MDGA2: variants seen among roughly 807,000 people sequenced by gnomAD.
The protein encoded by MDGA2 is MAM domain-containing glycosylphosphatidylinositol anchor protein 2.
MDGA2 carries 40 observed loss-of-function variants against 117.8 expected under a neutral mutation model. The observed-to-expected ratio is 0.34, with a 90% CI of 0.26 to 0.44. MDGA2 has a LOEUF of 0.44. MDGA2 is among the 20% of genes least tolerant of loss of function. The pLI is 1.00. For synonymous variants in MDGA2, 452 were observed against 439.0 expected, an observed-to-expected ratio of 1.03 and a Z score of -0.37; for missense variants, 1,123 against 1,250.6, an observed-to-expected ratio of 0.90 and a Z score of 1.54.
intron 1 of MDGA2, among the ~76,000 whole-genome samples, chr14:47,561,421 T>C (rs1360756389): frequency 1.3e-5 from 2 of 152,056 alleles, no homozygotes; most frequent in African/African-American, 4.8e-5. Context: ...TGTTTTGTAA[T>C]TGTCATTATA....
At chr14:46,949,753 T>C (rs1885302789) in intron 9 of MDGA2, among the ~76,000 whole-genome samples, 1 of 152,032 alleles carries the variant, frequency 6.6e-6, no homozygotes, top group South Asian at 2.1e-4. Flanking sequence ...AAGTCACCTA[T>C]TAATTGATAC....
chr14:47,650,251 T>C (rs1897614376), intron 1 of MDGA2, among the ~76,000 whole-genome samples: 2 of 152,168 alleles, frequency 1.3e-5, no homozygotes, highest in African/African-American at 4.8e-5. Flanking sequence ...TGGAACTACG[T>C]CCTCAGCTCT....
intron 15 of MDGA2, among the ~76,000 whole-genome samples, chr14:46,854,634 A>G (rs1423440391): frequency 6.6e-6 from 1 of 151,876 alleles, no homozygotes; most frequent in East Asian, 1.9e-4. Context: ...TGTTGTAAGT[A>G]TATAAAATTT....
At chr14:47,321,652 G>A (rs1889983051) in intron 1 of MDGA2, among the ~76,000 whole-genome samples, 1 of 152,076 alleles carries the variant, frequency 6.6e-6, no homozygotes, top group Non-Finnish European at 1.5e-5. Context: ...AATTTTATCT[G>A]AGCCAGAGAA....
At chr14:47,027,870 T>A (rs1321818757) in intron 8 of MDGA2, among the ~76,000 whole-genome samples, 1 of 151,976 alleles carries the variant, frequency 6.6e-6, no homozygotes, top group Non-Finnish European at 1.5e-5. Context: ...AGCTCAGTTT[T>A]CAAATATTCA....
intron 1 of MDGA2, among the ~76,000 whole-genome samples, chr14:47,393,534 A>T (rs546480366): frequency 5.5e-4 from 83 of 152,268 alleles, no homozygotes; most frequent in African/African-American, 2.0e-3. Context: ...GTGGATTTAT[A>T]ATCAGCAGAA....
At chr14:47,554,107 C>T (rs1594914273) in intron 1 of MDGA2, among the ~76,000 whole-genome samples, 2 of 152,200 alleles carry the variant, frequency 1.3e-5, no homozygotes, top group South Asian at 2.1e-4. Context: ...CTCTGGATGC[C>T]TATGTCCTGG....
Position 47,406,429 on chromosome 14 carries a change from C to A in MDGA2, c.281-104879G>T, listed in dbSNP as rs1418397113. On this transcript the variant is annotated intron_variant, in intron 1 of 16. Coordinates refer to ENST00000399232, the MANE Select transcript of MDGA2 (RefSeq NM_001113498.3). Reference sequence around the variant, plus strand: ...TTAATTATGGTACAAATTTAGCATGCTTTATTAAGCAGACACTAAAATAGC... The same window carrying A: ...TTAATTATGGTACAAATTTAGCATGATTTATTAAGCAGACACTAAAATAGC... 2.6e-5 allele frequency among the ~76,000 whole-genome samples: 4 copies of A among 151,936 alleles called. No individual in the cohort carries two copies. In the East Asian group the frequency reaches 7.7e-4, roughly 29 times the overall value.
chr14:47,269,273 C>G (rs563115025), intron 2 of MDGA2, among the ~76,000 whole-genome samples: 4 of 152,022 alleles, frequency 2.6e-5, no homozygotes, highest in Non-Finnish European at 5.9e-5. Flanking sequence ...CCCTTTGAAA[C>G]GATCCATGGT....
intron 1 of MDGA2, among the ~76,000 whole-genome samples, chr14:47,568,332 A>C (rs1047815326): frequency 6.6e-6 from 1 of 152,220 alleles, no homozygotes; most frequent in African/African-American, 2.4e-5. Flanking sequence ...AAACTTAATG[A>C]ATCATACAAA....
intron 1 of MDGA2, among the ~76,000 whole-genome samples, chr14:47,475,802 G>T (rs181089231): frequency 2.0e-5 from 3 of 152,212 alleles, no homozygotes; most frequent in African/African-American, 7.2e-5. Flanking sequence ...GTAGTAGAGG[G>T]AACAAAACAC....
chr14:47,521,039 C>T (rs1411710675), intron 1 of MDGA2, among the ~76,000 whole-genome samples: 1 of 152,086 alleles, frequency 6.6e-6, no homozygotes, highest in Non-Finnish European at 1.5e-5. Context: ...ATAGCAAAAC[C>T]TGTCATGGAT....
chr14:46,986,516 G>A (rs535881973), intron 8 of MDGA2, among the ~76,000 whole-genome samples: 2 of 21,816 alleles, frequency 9.2e-5, no homozygotes, highest in Non-Finnish European at 1.5e-4. Flanking sequence ...CCAAAATACT[G>A]ATGTAAGATC....
At chr14:47,389,960 G>T (rs1443099446) in intron 1 of MDGA2, among the ~76,000 whole-genome samples, 1 of 152,118 alleles carries the variant, frequency 6.6e-6, no homozygotes, top group Non-Finnish European at 1.5e-5. Context: ...ATGCAGGCTG[G>T]CTCCTTGAAT....
chr14:46,944,687 T>C (rs1885112204), intron 9 of MDGA2, among the ~76,000 whole-genome samples: 1 of 152,006 alleles, frequency 6.6e-6, no homozygotes, highest in Non-Finnish European at 1.5e-5. Flanking sequence ...TGTTTTCAAT[T>C]TTACCAGTCC....
chr14:47,652,762 T>C (rs1363122305), intron 1 of MDGA2, among the ~76,000 whole-genome samples: 3 of 151,846 alleles, frequency 2.0e-5, no homozygotes, highest in Non-Finnish European at 2.9e-5. Context: ...GCTGCTCCCC[T>C]CCCCCCAGGC....
At chr14:47,393,813 G>T (rs539752761) in intron 1 of MDGA2, among the ~76,000 whole-genome samples, 1 of 152,214 alleles carries the variant, frequency 6.6e-6, no homozygotes, top group Admixed American at 6.6e-5. Flanking sequence ...TACAGGAAAT[G>T]AGGAAATGTA....
intron 1 of MDGA2, among the ~76,000 whole-genome samples, chr14:47,667,198 C>T (rs1449344624): frequency 1.3e-5 from 2 of 152,184 alleles, no homozygotes; most frequent in Non-Finnish European, 2.9e-5. Context: ...CCTAAACAGG[C>T]CTAGAGTTTC....
chr14:47,603,011 C>G (rs1410350049), intron 1 of MDGA2, among the ~76,000 whole-genome samples: 1 of 152,092 alleles, frequency 6.6e-6, no homozygotes, highest in African/African-American at 2.4e-5. Context: ...ATAGGACTTC[C>G]AGTTGTTGCC....
Sources: allele counts gnomAD v4.1 joint callset (sites outside exome capture counted in the v4.1 genomes callset), GRCh38; gene constraint gnomAD v4.1.1; transcripts MANE v1.5; gene names NCBI Gene and HGNC (gene_info 2026-07-23, HGNC 2026-07-21).